The following DLC1 variants were observed in gnomAD, a reference collection of about 807,000 sequenced individuals.
DLC1 encodes the protein DLC1 Rho GTPase activating protein.
Under a neutral mutation model 140.3 loss-of-function variants are expected in DLC1, and 54 were observed. That is an observed-to-expected ratio of 0.38 (90% CI 0.31 to 0.48). DLC1 has a LOEUF of 0.48. Ranked by LOEUF, DLC1 falls within the 20% of genes least tolerant of loss-of-function variation. The pLI is 0.96. For synonymous variants in DLC1, 986 were observed against 728.1 expected, an observed-to-expected ratio of 1.35 and a Z score of -5.70; for missense variants, 2,536 against 1,907.0, an observed-to-expected ratio of 1.33 and a Z score of -6.14.
At chr8:13,397,151 T>C (rs17805463) in intron 3 of DLC1, among the ~76,000 whole-genome samples, 6,276 of 152,194 alleles carry the variant, frequency 0.041, 198 homozygotes, top group South Asian at 0.12. Flanking sequence ...AGGGTGCATC[T>C]TGTGATCCAT....
At chr8:13,539,163 G>GATCTGC (rs1803399574) in intron 1 of DLC1, among the ~76,000 whole-genome samples, 1 of 147,040 alleles carries the variant, frequency 6.8e-6, no homozygotes, top group Non-Finnish European at 1.5e-5. Context: ...TTTTTCAGTA[G>GATCTGC]ATCTGCAAAT....
intron 5 of DLC1, among the ~76,000 whole-genome samples, chr8:13,294,187 A>G (rs931453342): frequency 6.6e-6 from 1 of 152,216 alleles, no homozygotes; most frequent in Non-Finnish European, 1.5e-5. Flanking sequence ...AGAATATCAT[A>G]CAGTTTGAAC....
intron 1 of DLC1, among the ~76,000 whole-genome samples, chr8:13,588,942 A>C (rs1350153700): frequency 6.6e-6 from 1 of 152,108 alleles, no homozygotes; most frequent in African/African-American, 2.4e-5. Context: ...CAAGGCAGTC[A>C]AATGGGTGAC....
At chr8:13,127,592 C>G (rs371444275) in intron 5 of DLC1, among the ~76,000 whole-genome samples, 4 of 152,334 alleles carry the variant, frequency 2.6e-5, no homozygotes, top group African/African-American at 9.6e-5. Context: ...TATTTTGTCA[C>G]TTGAGTGTGA....
chr8:13,453,502 GTATATATATATACATATATATATA>G (rs1563360608), intron 2 of DLC1, among the ~76,000 whole-genome samples: 4 of 17,284 alleles, frequency 2.3e-4, no homozygotes, highest in African/African-American at 1.3e-3. Context: ...ATATATATAT[GTATATATATATACATATATATATA>G]TGTATATATA....
chr8:13,283,999 A>G (rs1831457397), intron 5 of DLC1, among the ~76,000 whole-genome samples: 1 of 152,202 alleles, frequency 6.6e-6, no homozygotes, highest in Admixed American at 6.5e-5. Context: ...CTAGGGAAGA[A>G]ACCCTGGAAA....
At chr8:13,386,015 G>C (rs1438183291) in intron 4 of DLC1, among the ~76,000 whole-genome samples, 1 of 152,210 alleles carries the variant, frequency 6.6e-6, no homozygotes, top group African/African-American at 2.4e-5. Context: ...TGGTTGCTAT[G>C]ATGTGGCATG....
chr8:13,583,650 C>G lies in DLC1; in HGVS notation c.-126+20887G>C, dbSNP rs149099238. ...ATGCTTTTATTTAATATTTTCATGT[C>G]AGAGGATTGACAACAAAGACAAACC... On this transcript the variant is annotated intron_variant, in intron 1 of 1. Transcript: ENST00000631382. Among the ~76,000 whole-genome samples, 819 of 152,284 alleles carry G rather than the reference C, an allele frequency of 5.4e-3. 12 individuals carry two copies. Among genetic ancestry groups the G allele is most frequent in the Non-Finnish European group, 7.0e-3 (478 of 68,030 alleles).
chr8:13,357,321 G>A (rs1253739747), intron 4 of DLC1, among the ~76,000 whole-genome samples: 1 of 152,188 alleles, frequency 6.6e-6, no homozygotes, highest in African/African-American at 2.4e-5. Flanking sequence ...CAAATTCACT[G>A]TTTGACACCT....
At chr8:13,236,269 T>C (rs553126864) in intron 5 of DLC1, among the ~76,000 whole-genome samples, 14 of 152,226 alleles carry the variant, frequency 9.2e-5, no homozygotes, top group Admixed American at 3.3e-4. Flanking sequence ...ATATTCTTGA[T>C]TTTCTATAGA....
intron 2 of DLC1, among the ~76,000 whole-genome samples, chr8:13,449,283 A>G (rs1421138030): frequency 6.6e-6 from 1 of 152,172 alleles, no homozygotes; most frequent in Non-Finnish European, 1.5e-5. Context: ...GAGTTGATAT[A>G]ATAGAGAGAA....
At chr8:13,212,343 CTTTTG>C (rs1007245344) in intron 5 of DLC1, among the ~76,000 whole-genome samples, 128 of 152,218 alleles carry the variant, frequency 8.4e-4, no homozygotes, top group African/African-American at 3.0e-3. Flanking sequence ...TGGCACACTG[CTTTTG>C]TTTTGTTTTG....
chr8:13,551,075 C>CACACACACACACACACACACTT (rs71207163), intron 1 of DLC1, among the ~76,000 whole-genome samples: 2 of 121,718 alleles, frequency 1.6e-5, no homozygotes, highest in East Asian at 5.0e-4. Context: ...CACACACACA[C>CACACACACACACACACACACTT]TTTTTTTTTT....
At chr8:13,090,826 G>C (rs989556478) in intron 14 of DLC1, among the ~76,000 whole-genome samples, 1 of 134,190 alleles carries the variant, frequency 7.5e-6, no homozygotes, top group African/African-American at 2.9e-5. Context: ...TTTTTTTTGA[G>C]AGAGAGTTTC....
chr8:13,337,249 T>A (rs572192702), intron 4 of DLC1, among the ~76,000 whole-genome samples: 1 of 152,268 alleles, frequency 6.6e-6, no homozygotes, highest in African/African-American at 2.4e-5. Flanking sequence ...ATAACACACA[T>A]TAGATTTGGC....
At chr8:13,438,574 C>G (rs1839226222) in intron 2 of DLC1, among the ~76,000 whole-genome samples, 1 of 152,116 alleles carries the variant, frequency 6.6e-6, no homozygotes, top group South Asian at 2.1e-4. Flanking sequence ...TCCCTAAGAC[C>G]TCATCTCCTA....
chr8:13,292,214 C>T lies in DLC1; in HGVS notation c.1348+13055G>A, dbSNP rs1274365625. Among the ~76,000 whole-genome samples, 5 of 152,188 alleles carry T rather than the reference C, an allele frequency of 3.3e-5. No homozygotes were observed. The East Asian group carries it at 7.8e-4, about 24-fold the overall frequency. ...GTTGGAGTATCTCCTTTTGGAAAGACATTTTGAATGTGTCTCCACCCCACA... is the reference window on the plus strand; with the variant it reads ...GTTGGAGTATCTCCTTTTGGAAAGATATTTTGAATGTGTCTCCACCCCACA... On this transcript the variant is annotated intron_variant, in intron 5 of 17. Transcript: ENST00000276297.
At chr8:13,107,430 T>G (rs1032618596) in intron 7 of DLC1, among the ~76,000 whole-genome samples, 4 of 151,400 alleles carry the variant, frequency 2.6e-5, no homozygotes, top group African/African-American at 9.7e-5. Flanking sequence ...GGGGAGGAGG[T>G]AGGTGGGAAA....
intron 1 of DLC1, chr8:13,536,035 G>A (rs539802923): frequency 2.0e-5 from 3 of 152,108 alleles, no homozygotes; most frequent in Non-Finnish European, 4.4e-5. Context: ...AAGAGTCTAC[G>A]GCCATACCAC....
Sources: allele counts gnomAD v4.1 joint callset (sites outside exome capture counted in the v4.1 genomes callset), GRCh38; gene constraint gnomAD v4.1.1; transcripts MANE v1.5; gene names NCBI Gene and HGNC (gene_info 2026-07-23, HGNC 2026-07-21).